ITLN1: variants seen among roughly 807,000 people sequenced by gnomAD.
ITLN1 encodes the protein intelectin-1.
In ITLN1, 29 loss-of-function variants were observed where a neutral mutation model predicts 36.2. That is an observed-to-expected ratio of 0.80 (90% CI 0.60 to 1.09). The LOEUF (loss-of-function observed/expected upper bound fraction) is 1.09, where lower values mean the gene tolerates loss of function less well. Ranked by LOEUF, ITLN1 falls within the 50% of genes least tolerant of loss-of-function variation. ITLN1 has a pLI of 0.00. For synonymous variants in ITLN1, 143 were observed against 146.5 expected (o/e 0.98, Z 0.17); for missense variants, 358 against 405.2 (o/e 0.88, Z 1.00).
intron 7 of ITLN1, 98 bp downstream of exon 7, chr1:160,879,213 A>G (rs1571140918): frequency 2.3e-6 from 2 of 869,964 alleles, no homozygotes; most frequent in Non-Finnish European, 3.9e-6. Context: ...GTACACACAC[A>G]CCCCAGTCAT....
intron 7 of ITLN1, among the ~76,000 whole-genome samples, chr1:160,878,915 T>A (rs1670635566): frequency 6.6e-6 from 1 of 152,080 alleles, no homozygotes; most frequent in Admixed American, 6.5e-5. Flanking sequence ...AGGTCCAGGT[T>A]TTCTCTGAAA....
intron 2 of ITLN1, 30 bp from the exon 3 acceptor site, chr1:160,883,556 C>G: frequency 1.3e-6 from 2 of 1,483,412 alleles, no homozygotes; most frequent in Non-Finnish European, 9.4e-7. Context: ...TATTCTCATT[C>G]CCGGTTTGAC....
chr1:160,883,749 G>A (rs1247390487), intron 2 of ITLN1, among the ~76,000 whole-genome samples: 1 of 152,150 alleles, frequency 6.6e-6, no homozygotes, highest in Non-Finnish European at 1.5e-5. Flanking sequence ...AGCCAGCACA[G>A]GCTTAAAGTC....
intron 6 of ITLN1, 66 bp from the exon 7 acceptor site, chr1:160,879,480 C>T (rs1670643998): frequency 1.6e-6 from 2 of 1,274,070 alleles, no homozygotes; most frequent in Admixed American, 3.4e-5. Flanking sequence ...TTAGGCCAGC[C>T]CAGAGGCTCT....
chr1:160,884,383 T>C (rs1189338394), intron 2 of ITLN1, among the ~76,000 whole-genome samples: 1 of 151,780 alleles, frequency 6.6e-6, no homozygotes, highest in Non-Finnish European at 1.5e-5. Flanking sequence ...TAAGAAGATA[T>C]TTCGAAACAG....
intron 7 of ITLN1, among the ~76,000 whole-genome samples, chr1:160,878,897 G>T (rs1046530011): frequency 4.6e-5 from 7 of 152,036 alleles, no homozygotes; most frequent in Admixed American, 2.0e-4. Flanking sequence ...CCATGGCTAG[G>T]GTTGGGGAGG....
At chr1:160,883,575 T>A in intron 2 of ITLN1, 49 bp from the exon 3 acceptor site, 3 of 1,278,148 alleles carry the variant, frequency 2.3e-6, no homozygotes, top group Non-Finnish European at 3.4e-6. Context: ...ACACAAAACC[T>A]ACCCTCTCCT....
chr1:160,880,551 T>G, intron 6 of ITLN1, 37 bp downstream of exon 6: 2 of 1,608,812 alleles, frequency 1.2e-6, no homozygotes, highest in Non-Finnish European at 1.7e-6. Context: ...TGTATTCCCT[T>G]TCCTACCAGG....
Position 160,880,604 on chromosome 1 carries a change from G to C in ITLN1, c.669C>G (p.Tyr223Ter). Residue 223 changes from tyrosine (Y) to a stop codon, truncating the protein, a stop_gained, in exon 6 of 8, where the codon TAC becomes TAG. Coordinates refer to ENST00000326245, the MANE Select transcript of ITLN1 (RefSeq NM_017625.3). LOFTEE classifies it high-confidence loss of function. ...AAGACTCACGCTGGCCATAGGGTGA[G>C]TAATAAGATGCTGTTTTCTGGGCGT... ...FGDAQKTASY[Y>*]SPYGQREFTA... 6.2e-7 allele frequency: 1 copy of C among 1,614,158 alleles called. No homozygotes were observed. The highest frequency in any genetic ancestry group is 8.5e-7 in the Non-Finnish European group (1 of 1,180,028).
intron 7 of ITLN1, among the ~76,000 whole-genome samples, chr1:160,879,035 TTGAG>T (rs1158364176): frequency 1.3e-5 from 2 of 152,220 alleles, no homozygotes; most frequent in East Asian, 1.9e-4. Context: ...CTCCAAGCGA[TTGAG>T]TGTTTTCTCA....
In ITLN1 at chr1:160,881,134, C is replaced by A. The variant is rs776743968; in HGVS notation, c.564+20G>T. On this transcript the variant is annotated intron_variant, in intron 5 of 7. Coordinates refer to ENST00000326245, the MANE Select transcript of ITLN1 (RefSeq NM_017625.3). ...TCTGTACACCCATGAAAACCAGTCC[C>A]AGCCAGCAGCCTTCTGTACCTGGTA... 2 of 1,582,942 alleles carry A rather than the reference C, an allele frequency of 1.3e-6. No individual in the cohort carries two copies. Among genetic ancestry groups the A allele is most frequent in the East Asian group, 2.3e-5 (1 of 44,402 alleles).
rs528962730 is a variant in ITLN1 at position 160,876,632 on chromosome 1, A to T, written c.*32T>A. 4.3e-6 allele frequency: 7 copies of T among 1,611,224 alleles called. No homozygotes were observed. In the East Asian group the frequency reaches 1.3e-4, roughly 31 times the overall value. ...CCATCCTTGGGATCTCATGGTTGGG[A>T]GGAGAGGTCTGGGTTCCCTCCCACA... is the stretch of plus-strand genomic sequence containing the variant. On this transcript the variant is annotated 3_prime_UTR_variant, in exon 8 of 8. Coordinates refer to ENST00000326245, the MANE Select transcript of ITLN1 (RefSeq NM_017625.3).
Position 160,876,702 on chromosome 1 carries a change from CA to C in ITLN1, c.903del (p.Glu302ArgfsTer2). On this transcript the variant is annotated frameshift_variant, in exon 8 of 8. Coordinates refer to ENST00000326245, the MANE Select transcript of ITLN1 (RefSeq NM_017625.3). LOFTEE classifies it high-confidence loss of function. ...AGAAGCACAGCTGCCTCAGTTATCT[CA>C]CGGCTGCTGCTGTAACCAACATGAG... ...YGTHVGYSSS[R>X]EITEAAVLLF... is the part of the protein sequence containing the mutation. The C allele has an allele frequency of 1.2e-6, 2 of 1,614,238 alleles. No individual in the cohort carries two copies. The highest frequency in any genetic ancestry group is 1.7e-6 in the Non-Finnish European group (2 of 1,180,038).
At chr1:160,878,191 C>T (rs1024795866) in intron 7 of ITLN1, among the ~76,000 whole-genome samples, 7 of 151,934 alleles carry the variant, frequency 4.6e-5, no homozygotes, top group African/African-American at 1.7e-4. Flanking sequence ...TGTGTAACGC[C>T]TCCCCTGCCT....
At chr1:160,883,983 C>T (rs74771527) in intron 2 of ITLN1, among the ~76,000 whole-genome samples, 1,698 of 152,172 alleles carry the variant, frequency 0.011, 31 homozygotes, top group African/African-American at 0.036. Flanking sequence ...AGACAGTAAG[C>T]GGGGCAGTTG....
chr1:160,882,343 G>T, intron 3 of ITLN1, 139 bp from the exon 4 acceptor site: 3 of 1,042,976 alleles, frequency 2.9e-6, no homozygotes, highest in South Asian at 2.0e-5. Context: ...TGCTCCCAGG[G>T]GTACTGGGGC....
Position 160,880,741 on chromosome 1 carries a change from A to C in ITLN1, c.565-33T>G, listed in dbSNP as rs769454292. On this transcript the variant is annotated intron_variant, in intron 5 of 7. Transcript: ENST00000326245. The stretch of plus-strand genomic sequence containing the variant: ...GAACACAGAAAAAGTCATGGAGTAA[A>C]GACAATAGCTTTGCCATTACCAGCA... The C allele has an allele frequency of 4.0e-5, 65 of 1,611,952 alleles. No homozygotes were observed. The East Asian group carries it at 1.4e-3, about 36-fold the overall frequency.
rs1240200951 is a variant in ITLN1 at position 160,881,211 on chromosome 1, G to A, written c.507C>T (p.Tyr169=). ...TCTGGAGGAAGCCAGTGTCCGTGCG[G>A]TACCTCAGCAGGGAGCTGTTTCTCC... The part of the protein sequence containing the change: ...QHWRNSSLLR[Y]RTDTGFLQTL... The change falls in exon 5 of 8, where the codon TAC becomes TAT. Residue 169 remains tyrosine (Y), a synonymous_variant. Coordinates refer to ENST00000326245, the MANE Select transcript of ITLN1 (RefSeq NM_017625.3). The A allele has an allele frequency of 1.2e-6, 2 of 1,613,762 alleles. No individual in the cohort carries two copies. Among genetic ancestry groups the A allele is most frequent in the Non-Finnish European group, 1.7e-6 (2 of 1,179,788 alleles).
chr1:160,880,473 T>G, intron 6 of ITLN1, 115 bp downstream of exon 6: 2 of 1,057,932 alleles, frequency 1.9e-6, no homozygotes, highest in Non-Finnish European at 2.8e-6. Context: ...AGTGGGGCAA[T>G]ATAGGGAACA....
Sources: gnomAD v4.1 joint callset for allele counts (sites outside exome capture counted in the v4.1 genomes callset) on GRCh38, gnomAD v4.1.1 for gene constraint, MANE v1.5 for transcripts, NCBI Gene and HGNC (gene_info 2026-07-23, HGNC 2026-07-21) for gene names.